ACOXL: variants seen among roughly 807,000 people sequenced by gnomAD.
ACOXL encodes acyl-coenzyme A oxidase-like protein.
Under a neutral mutation model 71.9 loss-of-function variants are expected in ACOXL, and 70 were observed. The observed-to-expected ratio is 0.97, with a 90% CI of 0.80 to 1.19. The LOEUF (loss-of-function observed/expected upper bound fraction) is 1.19. Among genes scored for constraint, ACOXL ranks in the 50% most tolerant of loss-of-function variants. ACOXL has a pLI of 0.00. For missense variants in ACOXL, 703 were observed against 736.3 expected, an observed-to-expected ratio of 0.95 and a Z score of 0.52; for synonymous variants, 253 against 281.6, an observed-to-expected ratio of 0.90 and a Z score of 1.02.
In ACOXL at chr2:111,117,723, G is replaced by A; in HGVS notation, c.1650G>A (p.Pro550=). Residue 550 remains proline, a synonymous_variant, in exon 18 of 18, where the codon CCG becomes CCA. Coordinates refer to ENST00000439055, the MANE Select transcript of ACOXL (RefSeq NM_001142807.4). ...LHAPIAGISN[P]RAAWAFYPAP... is the part of the protein sequence containing the mutation. ...CACCAATCGCCGGAATCTCCAACCC[G>A]CGGGCCGCGTGGGCTTTCTACCCTG... 6.4e-7 allele frequency: 1 copy of A among 1,551,692 alleles called. No individual in the cohort carries two copies. The highest frequency in any genetic ancestry group is 1.2e-5 in the South Asian group (1 of 84,058).
intron 10 of ACOXL, among the ~76,000 whole-genome samples, chr2:110,876,009 G>A (rs1405370576): frequency 6.6e-6 from 1 of 152,180 alleles, no homozygotes; most frequent in Non-Finnish European, 1.5e-5. Context: ...TCAAAGAAAA[G>A]TGGGGAGCCT....
chr2:110,799,183 T>G, intron 7 of ACOXL, 83 bp downstream of exon 7: 2 of 1,376,434 alleles, frequency 1.5e-6, no homozygotes, highest in Non-Finnish European at 2.1e-6. Context: ...ACCTACGTTA[T>G]ATTACCGAAG....
chr2:110,758,295 C>T (rs999970697), intron 1 of ACOXL, among the ~76,000 whole-genome samples: 1 of 152,076 alleles, frequency 6.6e-6, no homozygotes, highest in African/African-American at 2.4e-5. Context: ...GTTACTATAG[C>T]CTTGTAGTAT....
chr2:110,965,643 A>G (rs116251007), intron 12 of ACOXL, among the ~76,000 whole-genome samples: 51 of 152,324 alleles, frequency 3.3e-4, no homozygotes, highest in African/African-American at 1.2e-3. Context: ...GGAGTTCTCA[A>G]AAAAGGACAA....
intron 10 of ACOXL, among the ~76,000 whole-genome samples, chr2:110,847,745 G>A (rs1237359376): frequency 6.6e-6 from 1 of 152,218 alleles, no homozygotes; most frequent in Non-Finnish European, 1.5e-5. Flanking sequence ...GGCACCCCTC[G>A]AGGGCTGGAC....
intron 7 of ACOXL, among the ~76,000 whole-genome samples, chr2:110,801,432 C>A (rs890482208): frequency 2.0e-5 from 3 of 152,172 alleles, no homozygotes; most frequent in African/African-American, 7.2e-5. Flanking sequence ...CCATTCTCCT[C>A]CACTCTCGCT....
At chr2:110,796,864 G>A (rs1009155599) in intron 5 of ACOXL, among the ~76,000 whole-genome samples, 1 of 152,220 alleles carries the variant, frequency 6.6e-6, no homozygotes, top group Admixed American at 6.5e-5. Flanking sequence ...GTTTTCTTAG[G>A]CTTCAAGACT....
intron 17 of ACOXL, among the ~76,000 whole-genome samples, chr2:111,117,144 G>T (rs187082855): frequency 3.1e-3 from 475 of 152,326 alleles, no homozygotes; most frequent in Non-Finnish European, 5.6e-3. Context: ...GGTCTCTAGT[G>T]GTTCACCTGT....
chr2:110,900,086 TACACACACACAC>T lies in ACOXL; in HGVS notation c.789-8670_789-8659del, dbSNP rs60758688. Reference sequence around the variant, plus strand: ...GAAAGCTTTTCAACACACACACACATACACACACACACACACACACACACACACACACACACA... The same window carrying T: ...GAAAGCTTTTCAACACACACACACATACACACACACACACACACACACACA... On this transcript the variant is annotated intron_variant, in intron 10 of 17. Coordinates refer to ENST00000439055, the MANE Select transcript of ACOXL (RefSeq NM_001142807.4). 2.6e-3 allele frequency among the ~76,000 whole-genome samples: 367 copies of T among 143,324 alleles called. 1 individual carries two copies. The highest frequency in any genetic ancestry group is 5.9e-3 in the African/African-American group (221 of 37,310). The allele number at this position is 143,324 out of a possible 152,430, so 94.0% of individuals were successfully genotyped here. A position where few individuals can be genotyped will look rare whatever the true frequency, so the allele number is the denominator to read the frequency against.
chr2:110,746,089 C>T (rs1209292217), intron 1 of ACOXL, among the ~76,000 whole-genome samples: 1 of 152,184 alleles, frequency 6.6e-6, no homozygotes, highest in Non-Finnish European at 1.5e-5. Flanking sequence ...ATACTCTGTT[C>T]TCACTCTACA....
chr2:110,900,338 C>T (rs978594869), intron 10 of ACOXL, among the ~76,000 whole-genome samples: 4 of 152,098 alleles, frequency 2.6e-5, no homozygotes, highest in African/African-American at 9.7e-5. Flanking sequence ...TTTCCTAGAT[C>T]AAGGATGAGC....
At chr2:110,886,713 TTGAC>T in intron 10 of ACOXL, 1 of 1,545,136 alleles carries the variant, frequency 6.5e-7, no homozygotes, top group East Asian at 2.4e-5. Flanking sequence ...GTTTCACCCT[TTGAC>T]TGGAGTTAGC....
At chr2:111,038,296 G>A (rs976961505) in intron 15 of ACOXL, among the ~76,000 whole-genome samples, 2 of 152,210 alleles carry the variant, frequency 1.3e-5, no homozygotes, top group Admixed American at 1.3e-4. Context: ...ATGTTGCAGG[G>A]CTCCCAGTGC....
Position 110,784,829 on chromosome 2 carries a change from G to A in ACOXL, c.159+14G>A. ...ACAGGAGTGAAGGTGAGAGGCGCCGGGCACCTGCCCTTCATGAATGCATGC... is the reference window on the plus strand; with the variant it reads ...ACAGGAGTGAAGGTGAGAGGCGCCGAGCACCTGCCCTTCATGAATGCATGC... On this transcript the variant is annotated intron_variant, in intron 3 of 17. Coordinates refer to ENST00000439055, the MANE Select transcript of ACOXL (RefSeq NM_001142807.4). The A allele has an allele frequency of 6.3e-7, 1 of 1,590,774 alleles. No homozygotes were observed. The highest frequency in any genetic ancestry group is 1.4e-5 in the African/African-American group (1 of 73,346).
chr2:110,855,615 C>T (rs1693141538), intron 10 of ACOXL, among the ~76,000 whole-genome samples: 1 of 152,206 alleles, frequency 6.6e-6, no homozygotes, highest in Non-Finnish European at 1.5e-5. Context: ...CAATGCTTCA[C>T]TTTCTGTGGT....
intron 11 of ACOXL, among the ~76,000 whole-genome samples, chr2:110,910,530 G>A (rs1461938503): frequency 6.6e-6 from 1 of 152,190 alleles, no homozygotes; most frequent in African/African-American, 2.4e-5. Flanking sequence ...GAAATTGCCA[G>A]TTTTTCAAAG....
In ACOXL at chr2:110,841,406, G is replaced by A. The variant is rs142497134; in HGVS notation, c.788+1G>A. The A allele has an allele frequency of 1.8e-4, 285 of 1,608,512 alleles. No individual in the cohort carries two copies. The highest frequency in any genetic ancestry group is 1.3e-4 in the Admixed American group (8 of 59,704). On this transcript the variant is annotated splice_donor_variant, in intron 10 of 17. Transcript: ENST00000439055. LOFTEE classifies it high-confidence loss of function. ...CGATAGCCATTCGCTATAGCCACAG[G>A]TAAATGTTTACATTTTTGTTTCTTT...
At chr2:111,059,302 TG>T (rs1212297668) in intron 16 of ACOXL, among the ~76,000 whole-genome samples, 1 of 152,250 alleles carries the variant, frequency 6.6e-6, no homozygotes, top group Admixed American at 6.5e-5. Context: ...GGTGTGTTCC[TG>T]AAAACCTTGC....
intron 17 of ACOXL, among the ~76,000 whole-genome samples, chr2:111,113,704 T>A (rs1200064788): frequency 6.6e-6 from 1 of 152,246 alleles, no homozygotes; most frequent in Non-Finnish European, 1.5e-5. Context: ...ATGCCAGTTA[T>A]GTGTCACAGC....
Sources: allele counts gnomAD v4.1 joint callset (sites outside exome capture counted in the v4.1 genomes callset), GRCh38; gene constraint gnomAD v4.1.1; transcripts MANE v1.5; gene names NCBI Gene and HGNC (gene_info 2026-07-23, HGNC 2026-07-21).